ASIC2: variants seen among roughly 807,000 people sequenced by gnomAD.
The protein encoded by ASIC2 is acid-sensing ion channel 2.
A neutral mutation model predicts 57.3 loss-of-function variants in ASIC2; 25 were observed. That is an observed-to-expected ratio of 0.44 (90% CI 0.32 to 0.61). ASIC2 has a LOEUF of 0.61. Ranked by LOEUF, ASIC2 falls within the 20% of genes least tolerant of loss-of-function variation. The probability of loss-of-function intolerance (pLI) is 0.06; values close to 1 mark genes in which losing one functional copy is unlikely to be tolerated. For missense variants in ASIC2, 641 were observed against 738.1 expected, an observed-to-expected ratio of 0.87 and a Z score of 1.52; for synonymous variants, 319 against 307.5, an observed-to-expected ratio of 1.04 and a Z score of -0.39.
chr17:33,314,717 C>T (rs554219940), intron 1 of ASIC2, among the ~76,000 whole-genome samples: 3 of 152,306 alleles, frequency 2.0e-5, no homozygotes, highest in African/African-American at 4.8e-5. Context: ...GGGGCTCTGA[C>T]ACATCCTTCA....
intron 1 of ASIC2, among the ~76,000 whole-genome samples, chr17:34,022,651 A>C (rs551666843): frequency 3.1e-3 from 469 of 152,102 alleles, no homozygotes; most frequent in African/African-American, 6.3e-3. Flanking sequence ...CAAAAAAAAA[A>C]ACAAAAAAAC....
At chr17:33,120,719 A>G (rs1053469869) in intron 1 of ASIC2, among the ~76,000 whole-genome samples, 1 of 152,206 alleles carries the variant, frequency 6.6e-6, no homozygotes, top group African/African-American at 2.4e-5. Flanking sequence ...TTTGATGGAA[A>G]TTTCAAATGG....
chr17:33,925,796 T>C (rs1455070802), intron 1 of ASIC2, among the ~76,000 whole-genome samples: 4 of 152,202 alleles, frequency 2.6e-5, no homozygotes, highest in African/African-American at 9.7e-5. Flanking sequence ...CTGCAATCCA[T>C]TGACAGCACT....
At chr17:33,506,730 A>G (rs1007273240) in intron 1 of ASIC2, among the ~76,000 whole-genome samples, 1 of 152,200 alleles carries the variant, frequency 6.6e-6, no homozygotes, top group Non-Finnish European at 1.5e-5. Context: ...AAGCTCATCG[A>G]TCTCTCGGAT....
At chr17:33,398,091 C>T (rs981564882) in intron 1 of ASIC2, among the ~76,000 whole-genome samples, 3 of 152,094 alleles carry the variant, frequency 2.0e-5, no homozygotes, top group African/African-American at 4.8e-5. Flanking sequence ...TGACACTAAC[C>T]GACTCTATGT....
At chr17:33,977,981 C>G (rs1190553602) in intron 1 of ASIC2, among the ~76,000 whole-genome samples, 1 of 152,172 alleles carries the variant, frequency 6.6e-6, no homozygotes, top group Non-Finnish European at 1.5e-5. Context: ...GTATGGAGGT[C>G]CCGGGCCATG....
chr17:33,617,440 C>T (rs1319232131), intron 1 of ASIC2, among the ~76,000 whole-genome samples: 2 of 152,050 alleles, frequency 1.3e-5, no homozygotes, highest in African/African-American at 4.8e-5. Flanking sequence ...TAAGTGGGGG[C>T]TAAACACTGA....
At chr17:33,067,747 G>A (rs115195063) in intron 3 of ASIC2, among the ~76,000 whole-genome samples, 2,535 of 152,250 alleles carry the variant, frequency 0.017, 65 homozygotes, top group Middle Eastern at 0.061. Flanking sequence ...GAGAGAAACA[G>A]CAACTTTGCA....
intron 1 of ASIC2, among the ~76,000 whole-genome samples, chr17:33,358,405 C>T (rs1304415973): frequency 6.6e-6 from 1 of 152,136 alleles, no homozygotes; most frequent in African/African-American, 2.4e-5. Context: ...TAATGTGTAG[C>T]AATGACATCA....
chr17:33,576,700 A>G (rs1182936399), intron 1 of ASIC2, among the ~76,000 whole-genome samples: 1 of 152,168 alleles, frequency 6.6e-6, no homozygotes, highest in Non-Finnish European at 1.5e-5. Flanking sequence ...ACAGGCAGTG[A>G]TAGCATGCAA....
At chr17:33,045,586 G>GC (rs2091950594) in intron 3 of ASIC2, among the ~76,000 whole-genome samples, 1 of 152,120 alleles carries the variant, frequency 6.6e-6, no homozygotes. Context: ...CTTTTCTTCA[G>GC]CCCCTCCAGC....
intron 1 of ASIC2, among the ~76,000 whole-genome samples, chr17:33,158,771 G>C (rs1905082199): frequency 6.6e-6 from 1 of 152,156 alleles, no homozygotes; most frequent in Non-Finnish European, 1.5e-5. Flanking sequence ...CCTATTTATG[G>C]CATCATGAAG....
chr17:33,055,773 C>T (rs889096020), intron 3 of ASIC2, among the ~76,000 whole-genome samples: 2 of 152,074 alleles, frequency 1.3e-5, no homozygotes, highest in African/African-American at 4.8e-5. Flanking sequence ...TGCCCTTGGC[C>T]TCTCTTCACG....
intron 5 of ASIC2, among the ~76,000 whole-genome samples, 191 bp downstream of exon 5, chr17:33,025,735 C>G (rs548494844): frequency 6.6e-6 from 1 of 152,208 alleles, no homozygotes; most frequent in African/African-American, 2.4e-5. Context: ...GTTCCCTTCC[C>G]AACCTTCTCT....
At chr17:33,188,988 A>G (rs369511788) in intron 1 of ASIC2, among the ~76,000 whole-genome samples, 2 of 152,168 alleles carry the variant, frequency 1.3e-5, no homozygotes, top group South Asian at 2.1e-4. Flanking sequence ...AATGTATGAC[A>G]AAAAAGATGG....
intron 3 of ASIC2, among the ~76,000 whole-genome samples, chr17:33,073,266 G>A (rs1313070599): frequency 6.6e-6 from 1 of 152,204 alleles, no homozygotes; most frequent in Non-Finnish European, 1.5e-5. Context: ...ATTAGAAAAC[G>A]ATGTGTAGCT....
At chr17:33,872,142 G>A (rs1282409987) in intron 1 of ASIC2, among the ~76,000 whole-genome samples, 4 of 152,184 alleles carry the variant, frequency 2.6e-5, no homozygotes, top group East Asian at 3.9e-4. Flanking sequence ...TCAGCAGAGA[G>A]GGGGTGTAAA....
intron 2 of ASIC2, among the ~76,000 whole-genome samples, chr17:33,110,771 C>T (rs1193878521): frequency 1.3e-5 from 2 of 152,062 alleles, no homozygotes; most frequent in African/African-American, 2.4e-5. Context: ...GGACTCAAGG[C>T]ACAGGGGTGG....
intron 1 of ASIC2, among the ~76,000 whole-genome samples, chr17:33,620,784 G>A (rs1905768027): frequency 6.6e-6 from 1 of 152,098 alleles, no homozygotes; most frequent in South Asian, 2.1e-4. Context: ...TAGGGGTAAT[G>A]TGCCTTGAAT....
Sources: gnomAD v4.1 joint callset for allele counts (sites outside exome capture counted in the v4.1 genomes callset) on GRCh38, gnomAD v4.1.1 for gene constraint, MANE v1.5 for transcripts, NCBI Gene and HGNC (gene_info 2026-07-23, HGNC 2026-07-21) for gene names.